SMIM35: variants seen among roughly 807,000 people sequenced by gnomAD.
The protein encoded by SMIM35 is small integral membrane protein 35, also known as TMPRSS4 antisense RNA 1 (non-protein coding).
At chr11:118,036,745 G>A (rs1231929210) in intron 1 of SMIM35, among the ~76,000 whole-genome samples, 12 of 152,182 alleles carry the variant, frequency 7.9e-5, no homozygotes, top group Non-Finnish European at 1.6e-4. Flanking sequence ...CGATGGTGGT[G>A]TCATGCTTGC....
chr11:118,011,119 G>C (rs949705154), intron 4 of SMIM35, among the ~76,000 whole-genome samples: 3 of 152,366 alleles, frequency 2.0e-5, no homozygotes, highest in African/African-American at 7.2e-5. Context: ...TGAGGGGACA[G>C]AGGGTGCGTC....
chr11:118,044,217 C>T (rs185120637), intron 1 of SMIM35, among the ~76,000 whole-genome samples: 49 of 151,204 alleles, frequency 3.2e-4, no homozygotes, highest in African/African-American at 1.2e-3. Flanking sequence ...TATCAAGATC[C>T]TTACACTTAG....
chr11:118,007,330 A>T (rs2058127057), intron 4 of SMIM35, among the ~76,000 whole-genome samples: 2 of 152,326 alleles, frequency 1.3e-5, no homozygotes, highest in Admixed American at 1.3e-4. Flanking sequence ...CAAACACAGC[A>T]TCAGGGGCTC....
chr11:118,021,063 T>C (rs1404875895), intron 1 of SMIM35, among the ~76,000 whole-genome samples: 1 of 139,984 alleles, frequency 7.1e-6, no homozygotes, highest in Non-Finnish European at 1.6e-5. Context: ...TTTTTTACTA[T>C]TTATTAAGAT....
At position 118,070,790 on chromosome 11, in the gene SMIM35, A is replaced by AGGC. The variant is rs1356529702; in HGVS notation, c.7+15958_7+15960dup. 3.9e-5 allele frequency among the ~76,000 whole-genome samples: 6 copies of AGGC among 152,316 alleles called. No individual in the cohort carries two copies. The East Asian group carries it at 1.2e-3, about 29-fold the overall frequency. ...TGGAAACCGGAACCGAGGCAAACCCAGGCAGGACTCTGGTGCTACAGGAAC... is the reference window on the plus strand; with the variant it reads ...TGGAAACCGGAACCGAGGCAAACCCAGGCGGCAGGACTCTGGTGCTACAGGAAC... On this transcript the variant is annotated intron_variant, in intron 1 of 4. Transcript: ENST00000689828.
chr11:118,048,927 C>T (rs568656864), intron 1 of SMIM35, among the ~76,000 whole-genome samples: 4 of 90,662 alleles, frequency 4.4e-5, no homozygotes, highest in South Asian at 3.2e-4. Flanking sequence ...TCATGCCTAT[C>T]GCCTAGGCTG....
intron 1 of SMIM35, among the ~76,000 whole-genome samples, chr11:118,047,682 A>G (rs749375488): frequency 3.9e-5 from 6 of 152,248 alleles, no homozygotes; most frequent in Non-Finnish European, 8.8e-5. Context: ...GAGAAGCCCC[A>G]TGGACAGAGA....
At chr11:118,045,858 G>A (rs1426723182) in intron 1 of SMIM35, among the ~76,000 whole-genome samples, 3 of 152,086 alleles carry the variant, frequency 2.0e-5, no homozygotes, top group African/African-American at 4.8e-5. Flanking sequence ...GTGTGATGAC[G>A]GAAAAAGACT....
chr11:118,053,505 CA>C (rs1024393317), intron 1 of SMIM35, among the ~76,000 whole-genome samples: 1 of 152,196 alleles, frequency 6.6e-6, no homozygotes, highest in Non-Finnish European at 1.5e-5. Flanking sequence ...CATGCTCTGG[CA>C]ACCCTTCCTT....
chr11:118,035,358 A>T (rs1031934297), intron 1 of SMIM35, among the ~76,000 whole-genome samples: 2 of 152,046 alleles, frequency 1.3e-5, no homozygotes, highest in African/African-American at 4.8e-5. Flanking sequence ...CTCAACAAGG[A>T]TTTATGGAGT....
intron 1 of SMIM35, among the ~76,000 whole-genome samples, chr11:118,045,609 T>A (rs1944085999): frequency 6.6e-6 from 1 of 152,202 alleles, no homozygotes; most frequent in South Asian, 2.1e-4. Flanking sequence ...ATAGAAATAT[T>A]TGTGTGATGA....
intron 1 of SMIM35, among the ~76,000 whole-genome samples, chr11:118,067,952 A>G (rs1944509081): frequency 1.3e-5 from 2 of 148,286 alleles, no homozygotes; most frequent in South Asian, 4.3e-4. Flanking sequence ...AAATACACAG[A>G]AATAGAAGTT....
intron 1 of SMIM35, among the ~76,000 whole-genome samples, chr11:118,042,068 A>AAAAGAGAGAG (rs1555073518): frequency 3.9e-4 from 46 of 117,876 alleles, no homozygotes; most frequent in Non-Finnish European, 5.7e-4. Context: ...AAAAAAAAAA[A>AAAAGAGAGAG]AGAGAGAGAG....
At chr11:118,071,460 A>G (rs1944569892) in intron 1 of SMIM35, among the ~76,000 whole-genome samples, 2 of 152,218 alleles carry the variant, frequency 1.3e-5, no homozygotes, top group Non-Finnish European at 2.9e-5. Flanking sequence ...CCTCACAGTG[A>G]GCCAAGGTGC....
intron 1 of SMIM35, among the ~76,000 whole-genome samples, chr11:118,086,247 A>G (rs1247854600): frequency 6.6e-6 from 1 of 152,232 alleles, no homozygotes; most frequent in Non-Finnish European, 1.5e-5. Flanking sequence ...TTCTTAAATG[A>G]TGGGAGCTGA....
intron 1 of SMIM35, among the ~76,000 whole-genome samples, chr11:118,063,133 A>T (rs953396743): frequency 6.6e-6 from 1 of 152,266 alleles, no homozygotes; most frequent in Non-Finnish European, 1.5e-5. Context: ...AGAAATAACC[A>T]TAAAAATAGG....
intron 1 of SMIM35, among the ~76,000 whole-genome samples, chr11:118,021,745 T>A (rs2058232665): frequency 1.3e-5 from 2 of 152,144 alleles, no homozygotes; most frequent in African/African-American, 4.8e-5. Flanking sequence ...CAAGAGGACA[T>A]TTCATTATAT....
intron 1 of SMIM35, among the ~76,000 whole-genome samples, chr11:118,071,874 C>T (rs1004352460): frequency 7.2e-5 from 11 of 152,118 alleles, no homozygotes; most frequent in African/African-American, 2.2e-4. Context: ...AAGAGTGGGG[C>T]GTGCTGAGAT....
intron 1 of SMIM35, among the ~76,000 whole-genome samples, chr11:118,045,146 A>T (rs867263744): frequency 2.6e-5 from 4 of 152,152 alleles, no homozygotes; most frequent in African/African-American, 4.8e-5. Flanking sequence ...TTTCATCTCC[A>T]TTGGCTTCTA....
Sources: allele counts gnomAD v4.1 joint callset (sites outside exome capture counted in the v4.1 genomes callset), GRCh38; gene constraint gnomAD v4.1.1; transcripts MANE v1.5; gene names NCBI Gene and HGNC (gene_info 2026-07-23, HGNC 2026-07-21).